The following NR2F6 variants were observed in gnomAD, a reference collection of about 807,000 sequenced individuals.
The protein encoded by NR2F6 is nuclear receptor subfamily 2 group F member 6.
NR2F6 carries 16 observed loss-of-function variants against 26.5 expected under a neutral mutation model. That is an observed-to-expected ratio of 0.60 (90% confidence interval 0.41 to 0.92). The LOEUF (loss-of-function observed/expected upper bound fraction) is 0.92. NR2F6 is among the 40% of genes least tolerant of loss of function. NR2F6 has a pLI of 0.00. For synonymous variants in NR2F6, 325 were observed against 305.0 expected (o/e 1.07, Z -0.68); for missense variants, 536 against 631.7 (o/e 0.85, Z 1.62).
intron 1 of NR2F6, among the ~76,000 whole-genome samples, chr19:17,243,601 G>A (rs2073480402): frequency 6.6e-6 from 1 of 152,130 alleles, no homozygotes; most frequent in African/African-American, 2.4e-5. Flanking sequence ...CAAGAATGAG[G>A]CCAAAGTCTA....
In NR2F6 at chr19:17,235,827, C is replaced by G; in HGVS notation, c.612G>C (p.Glu204Asp). Residue 204 changes from glutamate (E) to aspartate (D), a missense_variant, in exon 3 of 4, where the codon GAG becomes GAC. By Grantham distance (45) the Glu-to-Asp change is conservative. Coordinates refer to ENST00000291442, the MANE Select transcript of NR2F6 (RefSeq NM_005234.4). The surrounding 1 kb of genome is among the most constrained non-coding windows in gnomAD (Gnocchi z 5.0). ...TGCTGAAGAGCAGCCGCGCCGCCAG[C>G]TCGCACACGTTGTCGATGCCCAGCA... ...GAVLGIDNVC[E>D]LAARLLFSTV... 1 of 1,479,536 alleles carries G rather than the reference C, an allele frequency of 6.8e-7. No individual in the cohort carries two copies. The allele number at this position is 1,479,536 out of a possible 1,614,324, so 91.7% of individuals were successfully genotyped here.
At chr19:17,233,340 C>A (rs1390854428) in intron 3 of NR2F6, among the ~76,000 whole-genome samples, 1 of 145,040 alleles carries the variant, frequency 6.9e-6, no homozygotes, top group Non-Finnish European at 1.5e-5. Context: ...CAAAACAAAA[C>A]AAAACAAAAA....
chr19:17,238,749 C>T (rs2073452699), intron 2 of NR2F6, among the ~76,000 whole-genome samples: 1 of 152,194 alleles, frequency 6.6e-6, no homozygotes, highest in African/African-American at 2.4e-5. Flanking sequence ...CTCTCAGCTT[C>T]TCCCACCAAG....
chr19:17,245,126 G>T lies in NR2F6; in HGVS notation c.95C>A (p.Ser32Ter). ...GCTGGCGGCACCGGGGGGCGAGGCC[G>T]AGTCGTCCTCGGCCGCGCGCGGGTA... Reference protein sequence around the residue: ...GGYPRAAEDDSASPPGAASDA... With the variant: ...GGYPRAAEDD The change falls in exon 1 of 4, where the codon TCG becomes TAG. Residue 32 changes from serine (S) to a stop codon, truncating the protein, a stop_gained. Transcript: ENST00000291442. LOFTEE classifies it high-confidence loss of function. The surrounding 1 kb of genome is among the most constrained non-coding windows in gnomAD (Gnocchi z 5.0). The T allele has an allele frequency of 2.0e-6, 3 of 1,524,914 alleles. No individual in the cohort carries two copies. Among genetic ancestry groups the T allele is most frequent in the Non-Finnish European group, 2.6e-6 (3 of 1,138,412 alleles). The allele number at this position is 1,524,914 out of a possible 1,614,324, so 94.5% of individuals were successfully genotyped here.
Position 17,235,603 on chromosome 19 carries a change from A to G in NR2F6, c.836T>C (p.Met279Thr). 6.3e-7 allele frequency: 1 copy of G among 1,576,726 alleles called. No homozygotes were observed. Among genetic ancestry groups the G allele is most frequent in the African/African-American group, 1.4e-5 (1 of 73,526 alleles). ...CTCCTGGAAGGCGCGCACCTGGTCC[A>G]TGAAAGCCACGGCGCGCTCGGCGGC... is the stretch of plus-strand genomic sequence containing the variant. ...PMAAERAVAFMDQVRAFQEQV... is the reference protein window; with the variant it reads ...PMAAERAVAFTDQVRAFQEQV... Residue 279 changes from methionine (M) to threonine (T), a missense_variant, in exon 3 of 4, where the codon ATG becomes ACG. By Grantham distance (81) the Met-to-Thr change is moderately conservative (BLOSUM62 -1). Coordinates refer to ENST00000291442, the MANE Select transcript of NR2F6 (RefSeq NM_005234.4). The surrounding 1 kb of genome is among the most constrained non-coding windows in gnomAD (Gnocchi z 5.0).
At position 17,232,451 on chromosome 19, in the gene NR2F6, G is replaced by A. The variant is rs201800862; in HGVS notation, c.1116C>T (p.Phe372=). The A allele has an allele frequency of 1.6e-4, 255 of 1,614,104 alleles. 2 individuals carry two copies. The East Asian group carries it at 4.6e-3, about 29-fold the overall frequency. ...GCGTCTTCCCCACCAGGCGCATGAAGAACAGCTGGGAGATGAGGGAGGCAG... is the reference window on the plus strand; with the variant it reads ...GCGTCTTCCCCACCAGGCGCATGAAAAACAGCTGGGAGATGAGGGAGGCAG... ...AVPASLISQL[F]FMRLVGKTPI... is the part of the protein sequence containing the mutation. The change falls in exon 4 of 4, where the codon TTC becomes TTT. Residue 372 remains phenylalanine, a synonymous_variant. Coordinates refer to ENST00000291442, the MANE Select transcript of NR2F6 (RefSeq NM_005234.4).
At chr19:17,244,915 G>A (rs1378354678) in intron 1 of NR2F6, 28 bp downstream of exon 1, 3 of 1,554,502 alleles carry the variant, frequency 1.9e-6, no homozygotes, top group African/African-American at 2.7e-5. Context: ...CGGGGTGCAC[G>A]GCGGCGGCGC....
Position 17,232,118 on chromosome 19 carries a change from C to T in NR2F6, c.*234G>A, listed in dbSNP as rs910100342. On this transcript the variant is annotated 3_prime_UTR_variant, in exon 4 of 4. Coordinates refer to ENST00000291442, the MANE Select transcript of NR2F6 (RefSeq NM_005234.4). Reference sequence around the variant, plus strand: ...GCTGTCCTAGGATTGGACCCTCCATCCTGGACAGGGGTCCTGGGGAGGATG... The same window carrying T: ...GCTGTCCTAGGATTGGACCCTCCATTCTGGACAGGGGTCCTGGGGAGGATG... The T allele has an allele frequency of 5.1e-6, 3 of 589,130 alleles. No individual in the cohort carries two copies. The highest frequency in any genetic ancestry group is 6.7e-5 in the Admixed American group (2 of 29,724). 36.5% of individuals were successfully genotyped at this position (589,130 alleles called of 1,614,324 possible). A position where few individuals can be genotyped will look rare whatever the true frequency, so the allele number is the denominator to read the frequency against.
chr19:17,232,505 C>G lies in NR2F6; in HGVS notation c.1062G>C (p.Leu354=), dbSNP rs762881219. 2 of 1,611,524 alleles carry G rather than the reference C, an allele frequency of 1.2e-6. No individual in the cohort carries two copies. The highest frequency in any genetic ancestry group is 1.7e-6 in the Non-Finnish European group (2 of 1,179,020). The stretch of plus-strand genomic sequence containing the variant: ...CCGCGCGCAGGGCGGGGAGCCGCAG[C>G]AGCAGGCGCCCGAAGCGCTGGGGCT... ...PSQPQRFGRL[L]LRLPALRAVP... is the part of the protein sequence containing the mutation. Residue 354 remains leucine (L), a synonymous_variant, in exon 4 of 4, where the codon CTG becomes CTC. Coordinates refer to ENST00000291442, the MANE Select transcript of NR2F6 (RefSeq NM_005234.4).
chr19:17,244,365 AC>A lies in NR2F6; in HGVS notation c.278+577del, dbSNP rs1248083101. 2.0e-5 allele frequency: 2 copies of A among 99,006 alleles called. 1 individual carries two copies. Among genetic ancestry groups the A allele is most frequent in the Non-Finnish European group, 4.4e-5 (2 of 45,008 alleles). The allele number at this position is 99,006 out of a possible 1,614,324, so 6.1% of individuals were successfully genotyped here. On this transcript the variant is annotated intron_variant, in intron 1 of 3. Transcript: ENST00000291442. ...ATGGGCAAGCCCAGCTCCCACCCCC[AC>A]CCCCACCGCTGGGCCCCTCATGCGA... is the stretch of plus-strand genomic sequence containing the variant.
chr19:17,244,299 G>C (rs1238710782), intron 1 of NR2F6: 1 of 152,476 alleles, frequency 6.6e-6, no homozygotes, highest in Non-Finnish European at 1.5e-5. Flanking sequence ...GCGATTTCCG[G>C]TGACCCAAGG....
At chr19:17,239,286 G>A (rs1014231992) in intron 2 of NR2F6, among the ~76,000 whole-genome samples, 10 of 151,946 alleles carry the variant, frequency 6.6e-5, no homozygotes, top group South Asian at 4.2e-4. Context: ...GCAGTGAGCC[G>A]AGATGGCACC....
intron 3 of NR2F6, among the ~76,000 whole-genome samples, chr19:17,233,380 A>G (rs1224018838): frequency 6.6e-6 from 1 of 152,154 alleles, no homozygotes; most frequent in Non-Finnish European, 1.5e-5. Flanking sequence ...GGGACTATCT[A>G]AGACTGTGTC....
At position 17,235,922 on chromosome 19, in the gene NR2F6, G is replaced by C; in HGVS notation, c.517C>G (p.Leu173Val). 6.8e-7 allele frequency: 1 copy of C among 1,480,276 alleles called. No homozygotes were observed. The highest frequency in any genetic ancestry group is 8.9e-7 in the Non-Finnish European group (1 of 1,122,380). 91.7% of individuals were successfully genotyped at this position (1,480,276 alleles called of 1,614,324 possible). A position where few individuals can be genotyped will look rare whatever the true frequency, so the allele number is the denominator to read the frequency against. ...GCAGGGTAGGGCTCAGCGCGCAGCA[G>C]CTGCGCGATCAGTTCGGACACCGGC... ...GQPVSELIAQ[L>V]LRAEPYPAAA... Residue 173 changes from leucine (L) to valine (V), a missense_variant, in exon 3 of 4, where the codon CTG (leucine) becomes GTG (valine). Physicochemically the swap from Leu to Val is conservative, Grantham distance 32. Transcript: ENST00000291442. This position sits in a 1 kb window ranked among gnomAD's most constrained non-coding sequence, Gnocchi z 5.0.
chr19:17,232,310 C>CT lies in NR2F6; in HGVS notation c.*41dup, dbSNP rs746255095. ...CTCAGCATTCCCTGTCCCTTGAGGT[C>CT]TGTCTGCAGGCCTGGCCACAGCACA... is the stretch of plus-strand genomic sequence containing the variant. On this transcript the variant is annotated 3_prime_UTR_variant, in exon 4 of 4. Coordinates refer to ENST00000291442, the MANE Select transcript of NR2F6 (RefSeq NM_005234.4). 6.8e-6 allele frequency: 11 copies of CT among 1,612,722 alleles called. No individual in the cohort carries two copies. In the African/African-American group the frequency reaches 1.3e-4, roughly 20 times the overall value.
At position 17,232,428 on chromosome 19, in the gene NR2F6, G is replaced by A. The variant is rs372090950; in HGVS notation, c.1139C>T (p.Thr380Met). 1.2e-5 allele frequency: 19 copies of A among 1,614,134 alleles called. No homozygotes were observed. The highest frequency in any genetic ancestry group is 6.7e-5 in the Admixed American group (4 of 60,032). ...GTCTCTGATCAGTGTCTCAATGGGC[G>A]TCTTCCCCACCAGGCGCATGAAGAA... ...QLFFMRLVGKTPIETLIRDML... is the reference protein window; with the variant it reads ...QLFFMRLVGKMPIETLIRDML... Residue 380 changes from threonine (T) to methionine (M), a missense_variant, in exon 4 of 4, where the codon ACG becomes ATG. Transcript: ENST00000291442.
At position 17,235,719 on chromosome 19, in the gene NR2F6, G is replaced by C; in HGVS notation, c.720C>G (p.Ser240Arg). Residue 240 changes from serine to arginine, a missense_variant, in exon 3 of 4, where the codon AGC becomes AGG. Physicochemically the swap from Ser to Arg is moderately radical, Grantham distance 110 (BLOSUM62 -1). Coordinates refer to ENST00000291442, the MANE Select transcript of NR2F6 (RefSeq NM_005234.4). The surrounding 1 kb of genome is among the most constrained non-coding windows in gnomAD (Gnocchi z 5.0). ...DQVALLRLSW[S>R]ELFVLNAAQA... ...GCGCCGCGTTCAGCACGAAGAGCTC[G>C]CTCCAGCTCAGGCGCAGCAGCGCCA... 6.7e-7 allele frequency: 1 copy of C among 1,500,278 alleles called. No individual in the cohort carries two copies. Among genetic ancestry groups the C allele is most frequent in the Non-Finnish European group, 8.8e-7 (1 of 1,133,736 alleles). The allele number at this position is 1,500,278 out of a possible 1,614,324, so 92.9% of individuals were successfully genotyped here. A position where few individuals can be genotyped will look rare whatever the true frequency, so the allele number is the denominator to read the frequency against.
intron 2 of NR2F6, among the ~76,000 whole-genome samples, chr19:17,237,657 A>G (rs1198912467): frequency 2.0e-5 from 3 of 151,780 alleles, no homozygotes; most frequent in Admixed American, 6.6e-5. Flanking sequence ...TGATCTGCCC[A>G]CCTCGGCCTC....
chr19:17,239,852 A>G (rs906797898), intron 2 of NR2F6, among the ~76,000 whole-genome samples: 2 of 151,460 alleles, frequency 1.3e-5, no homozygotes, highest in Middle Eastern at 3.2e-3. Flanking sequence ...GAAAATAAGG[A>G]AAAAAAAACT....
Sources: gnomAD v4.1 joint callset for allele counts (sites outside exome capture counted in the v4.1 genomes callset) on GRCh38, gnomAD v4.1.1 for gene constraint, Gnocchi (gnomAD v3.1) non-coding constraint, MANE v1.5 for transcripts, NCBI Gene and HGNC (gene_info 2026-07-23, HGNC 2026-07-21) for gene names.